The following DHPS variants were observed in gnomAD, a reference collection of about 807,000 sequenced individuals.
The protein encoded by DHPS is deoxyhypusine synthase.
DHPS carries 24 observed loss-of-function variants against 38.7 expected under a neutral mutation model. The ratio of observed to expected loss-of-function variants is 0.62; its 90% CI spans 0.45 to 0.87. DHPS has a LOEUF of 0.87. DHPS is among the 40% of genes least tolerant of loss of function. The pLI is 0.00. For synonymous variants in DHPS, 250 were observed against 204.4 expected, an observed-to-expected ratio of 1.22 and a Z score of -1.90; for missense variants, 510 against 497.6, an observed-to-expected ratio of 1.02 and a Z score of -0.24.
chr19:12,673,417 T>A, downstream of DHPS: 1 of 740,990 alleles, frequency 1.3e-6, no homozygotes, highest in Non-Finnish European at 2.1e-6. Context: ...GATCTTTTTT[T>A]TTTTTTTTTT....
intron 5 of DHPS, among the ~76,000 whole-genome samples, chr19:12,678,691 C>A (rs1279641457): frequency 6.9e-6 from 1 of 145,950 alleles, no homozygotes; most frequent in African/African-American, 2.5e-5. Flanking sequence ...ATCACTTGAA[C>A]CTGGGAGGTG....
Position 12,675,832 on chromosome 19 carries a change from A to AG in DHPS, c.*5dup. On this transcript the variant is annotated 3_prime_UTR_variant, in exon 9 of 9. Coordinates refer to ENST00000210060, the MANE Select transcript of DHPS (RefSeq NM_001930.4). The stretch of plus-strand genomic sequence containing the variant: ...GGGGGTAAGACCTTCCTGGGACCGC[A>AG]GCCGCTCAGTCCTCGTTCTTCTCAT... 6.3e-7 allele frequency: 1 copy of AG among 1,586,156 alleles called. No individual in the cohort carries two copies. The highest frequency in any genetic ancestry group is 8.6e-7 in the Non-Finnish European group (1 of 1,164,804).
downstream of DHPS, among the ~76,000 whole-genome samples, chr19:12,674,852 A>C (rs1458876289): frequency 6.6e-6 from 1 of 152,312 alleles, no homozygotes; most frequent in Non-Finnish European, 1.5e-5. Flanking sequence ...ATGGTGGTTC[A>C]CACCTGTAAT....
In DHPS at chr19:12,679,678, A is replaced by C; in HGVS notation, c.536T>G (p.Phe179Cys). The part of the protein sequence containing the change: ...LLVPNENYCK[F>C]EDWLMPILDQ... ...CAGAATGGGCATCAGCCAGTCCTCA[A>C]ACTTGCAGTAATTCTCATTGGGCAC... The change falls in exon 4 of 9, where the codon TTT becomes TGT. Residue 179 changes from phenylalanine (F) to cysteine (C), a missense_variant. Physicochemically the swap from Phe to Cys is radical, Grantham distance 205 (BLOSUM62 -2). Transcript: ENST00000210060. The C allele has an allele frequency of 6.2e-7, 1 of 1,614,178 alleles. No homozygotes were observed. Among genetic ancestry groups the C allele is most frequent in the Non-Finnish European group, 8.5e-7 (1 of 1,180,040 alleles).
At chr19:12,673,379 C>G, downstream of DHPS, 2 of 1,107,146 alleles carry the variant, frequency 1.8e-6, no homozygotes, top group Non-Finnish European at 2.8e-6. Flanking sequence ...CTGTCCTTAC[C>G]TCAGTCACTC....
downstream of DHPS, chr19:12,672,883 G>A (rs1438984786): frequency 1.9e-6 from 3 of 1,596,740 alleles, no homozygotes; most frequent in African/African-American, 2.7e-5. Flanking sequence ...ATGACCTAAG[G>A]ATGGGGCAGC....
intron 7 of DHPS, chr19:12,676,744 C>T (rs928359520): frequency 2.6e-5 from 8 of 307,564 alleles, no homozygotes; most frequent in Non-Finnish European, 3.8e-5. Context: ...CTCCTGGGAA[C>T]TTTGCAATCC....
chr19:12,676,307 T>A, intron 7 of DHPS, 165 bp from the exon 8 acceptor site: 1 of 895,726 alleles, frequency 1.1e-6, no homozygotes, highest in Non-Finnish European at 1.6e-6. Context: ...CTGGGGTCAC[T>A]AGAGCTGCTG....
At chr19:12,673,259 C>A (rs754882978), downstream of DHPS, 3 of 1,614,064 alleles carry the variant, frequency 1.9e-6, no homozygotes, top group Non-Finnish European at 2.5e-6. Flanking sequence ...GCGAGCGTGA[C>A]ACACATGTGG....
downstream of DHPS, chr19:12,673,401 G>T: frequency 3.5e-6 from 2 of 577,836 alleles, no homozygotes; most frequent in East Asian, 3.6e-5. Flanking sequence ...AGGGCCTGAA[G>T]GCTAGGATCT....
chr19:12,673,542 T>A (rs1001871017), downstream of DHPS, among the ~76,000 whole-genome samples: 1 of 151,206 alleles, frequency 6.6e-6, no homozygotes, highest in South Asian at 2.1e-4. Context: ...CTCAGTCTCC[T>A]GAGTAGTTGG....
At chr19:12,673,190 G>A (rs1226571016), downstream of DHPS, 8 of 1,613,922 alleles carry the variant, frequency 5.0e-6, no homozygotes, top group Non-Finnish European at 6.8e-6. Context: ...CCCCGATCCT[G>A]TCCACCCTTA....
At chr19:12,673,351 G>A (rs2024478422), downstream of DHPS, 1 of 1,539,368 alleles carries the variant, frequency 6.5e-7, no homozygotes, top group Non-Finnish European at 9.0e-7. Context: ...ATACCTAGAT[G>A]CCTGCCCCAT....
chr19:12,672,753 G>C (rs2024459220), downstream of DHPS: 1 of 1,310,086 alleles, frequency 7.6e-7, no homozygotes, highest in Admixed American at 2.0e-5. Flanking sequence ...CCTGTGCACT[G>C]GAAGAGCAGG....
At chr19:12,676,167 G>C in intron 7 of DHPS, 25 bp from the exon 8 acceptor site, 1 of 1,581,668 alleles carries the variant, frequency 6.3e-7, no homozygotes, top group South Asian at 1.1e-5. Context: ...GGGCACGGTG[G>C]GCCCAGTCAG....
At chr19:12,678,619 A>C (rs1443731176) in intron 5 of DHPS, among the ~76,000 whole-genome samples, 1 of 151,542 alleles carries the variant, frequency 6.6e-6, no homozygotes, top group Non-Finnish European at 1.5e-5. Context: ...AAATACAAAA[A>C]TTGGCCGGGC....
rs1051718593 is a variant in DHPS, at chr19:12,676,056, G to A, written c.975C>T (p.Val325=). 4 of 1,614,146 alleles carry A rather than the reference G, an allele frequency of 2.5e-6. No individual in the cohort carries two copies. In the South Asian group the frequency reaches 4.4e-5, roughly 18 times the overall value. ...SDSGARPDEA[V]SWGKIRVDAQ... is the part of the protein sequence containing the mutation. ...CATCCACCCGGATCTTGCCCCAGGAGACAGCCTCGTCTGGTCGGGCACCTG... is the reference window on the plus strand; with the variant it reads ...CATCCACCCGGATCTTGCCCCAGGAAACAGCCTCGTCTGGTCGGGCACCTG... The change falls in exon 8 of 9, where the codon GTC becomes GTT. Residue 325 remains valine, a synonymous_variant. Transcript: ENST00000210060.
chr19:12,678,509 C>T (rs2024690145), intron 5 of DHPS, among the ~76,000 whole-genome samples: 1 of 151,832 alleles, frequency 6.6e-6, no homozygotes, highest in African/African-American at 2.4e-5. Context: ...GTGGCTCACC[C>T]CTGTAATCCC....
chr19:12,681,847 G>C lies in DHPS; in HGVS notation c.-81C>G, dbSNP rs113428010. 1 of 1,252,570 alleles carries C rather than the reference G, an allele frequency of 8.0e-7. No individual in the cohort carries two copies. Among genetic ancestry groups the C allele is most frequent in the Middle Eastern group, 2.7e-4 (1 of 3,718 alleles). The allele number at this position is 1,252,570 out of a possible 1,614,324, so 77.6% of individuals were successfully genotyped here. On this transcript the variant is annotated 5_prime_UTR_variant, in exon 1 of 9. Coordinates refer to ENST00000210060, the MANE Select transcript of DHPS (RefSeq NM_001930.4). ...CCAGAAACGCGTTAAACCCCGACGC[G>C]CGCGTCTCCGCAAGAGCACAGGAAG...
Sources: allele counts gnomAD v4.1 joint callset (sites outside exome capture counted in the v4.1 genomes callset), GRCh38; gene constraint gnomAD v4.1.1; transcripts MANE v1.5; gene names NCBI Gene and HGNC (gene_info 2026-07-23, HGNC 2026-07-21).